Variants in TULP4 observed in about 807,000 individuals in gnomAD.
TULP4 encodes the protein tubby-related protein 4.
A neutral mutation model predicts 129.0 loss-of-function variants in TULP4; 16 were observed. The ratio of observed to expected loss-of-function variants is 0.12; its 90% CI spans 0.08 to 0.19. The LOEUF (loss-of-function observed/expected upper bound fraction) is 0.19, where lower values mean the gene tolerates loss of function less well. Among genes scored for constraint, TULP4 ranks in the 10% least tolerant of loss-of-function variants. TULP4 has a pLI of 1.00. For missense variants in TULP4, 1,842 were observed against 2,059.1 expected (o/e 0.89, Z 2.04); for synonymous variants, 998 against 854.0 (o/e 1.17, Z -2.94).
chr6:158,392,597 T>TA (rs765576684), intron 1 of TULP4, among the ~76,000 whole-genome samples: 1 of 151,966 alleles, frequency 6.6e-6, no homozygotes, highest in Non-Finnish European at 1.5e-5. Context: ...TGTCAGCAGA[T>TA]ATCTGCTCAC....
upstream of TULP4, among the ~76,000 whole-genome samples, chr6:158,309,139 C>T (rs1215335699): frequency 1.2e-4 from 4 of 33,942 alleles, no homozygotes; most frequent in African/African-American, 2.8e-4. Context: ...TCAGATGGGG[C>T]GGCTGCCGGG....
chr6:158,371,836 A>G (rs1194758574), intron 1 of TULP4, among the ~76,000 whole-genome samples: 2 of 152,190 alleles, frequency 1.3e-5, no homozygotes, highest in Non-Finnish European at 1.5e-5. Context: ...TATGTTTGAG[A>G]CAAGGTCTCT....
chr6:158,357,302 T>G (rs1263098504), intron 1 of TULP4, among the ~76,000 whole-genome samples: 1 of 152,212 alleles, frequency 6.6e-6, no homozygotes. Context: ...TTGCCACTGG[T>G]GTTACCAGCA....
At chr6:158,411,715 C>G (rs1379846295) in intron 1 of TULP4, among the ~76,000 whole-genome samples, 1 of 152,162 alleles carries the variant, frequency 6.6e-6, no homozygotes, top group Non-Finnish European at 1.5e-5. Flanking sequence ...GGGGTTCCTC[C>G]TAGCCCTCTG....
chr6:158,348,366 G>A (rs903372641), intron 1 of TULP4, among the ~76,000 whole-genome samples: 1 of 151,892 alleles, frequency 6.6e-6, no homozygotes, highest in Non-Finnish European at 1.5e-5. Flanking sequence ...AGATTAGGGA[G>A]TGGTGATGAC....
At chr6:158,453,485 C>CAAAAAAAAAAAAAAAAAAAAAAAAAAAAA (rs869146924) in intron 5 of TULP4, among the ~76,000 whole-genome samples, 1 of 17,982 alleles carries the variant, frequency 5.6e-5, no homozygotes, top group African/African-American at 2.1e-4. Context: ...CTCTGTCTCA[C>CAAAAAAAAAAAAAAAAAAAAAAAAAAAAA]AAAAAAAAAA....
intron 3 of TULP4, among the ~76,000 whole-genome samples, chr6:158,447,623 A>C (rs1193707115): frequency 6.6e-6 from 1 of 152,186 alleles, no homozygotes; most frequent in East Asian, 1.9e-4. Context: ...CCTGCATTGT[A>C]CACAAAGCTC....
chr6:158,433,596 AG>A, intron 3 of TULP4, among the ~76,000 whole-genome samples: 1 of 152,314 alleles, frequency 6.6e-6, no homozygotes, highest in Middle Eastern at 3.4e-3. Flanking sequence ...CTGTAGTCCC[AG>A]CTACTCCGGA....
intron 1 of TULP4, among the ~76,000 whole-genome samples, chr6:158,322,660 G>T (rs570052464): frequency 1.3e-5 from 2 of 152,180 alleles, no homozygotes; most frequent in South Asian, 4.2e-4. Context: ...GTTGATTTTT[G>T]TTCCTCAGTT....
intron 1 of TULP4, among the ~76,000 whole-genome samples, chr6:158,261,377 CT>C (rs1778349133): frequency 6.6e-6 from 1 of 152,156 alleles, no homozygotes; most frequent in Admixed American, 6.5e-5. Flanking sequence ...AGCATAAGCG[CT>C]ACAAGTACAC....
At chr6:158,396,825 T>C (rs575979958) in intron 1 of TULP4, among the ~76,000 whole-genome samples, 14 of 152,230 alleles carry the variant, frequency 9.2e-5, no homozygotes, top group African/African-American at 3.1e-4. Context: ...CCTAAAGAAA[T>C]GTATGTACTT....
chr6:158,293,786 A>G (rs543072210), intron 1 of TULP4, among the ~76,000 whole-genome samples: 50 of 152,380 alleles, frequency 3.3e-4, no homozygotes, highest in African/African-American at 1.1e-3. Context: ...AATTAGAGGT[A>G]GAAAATGATA....
chr6:158,351,438 A>C (rs1351048802), intron 1 of TULP4, among the ~76,000 whole-genome samples: 2 of 152,182 alleles, frequency 1.3e-5, no homozygotes, highest in African/African-American at 4.8e-5. Flanking sequence ...GTTTTTGCAA[A>C]TTAATCAAAA....
At chr6:158,480,981 CG>C (rs1779928726) in intron 7 of TULP4, 73 bp from the exon 8 acceptor site, 1 of 1,383,246 alleles carries the variant, frequency 7.2e-7, no homozygotes, top group African/African-American at 1.4e-5. Context: ...GACCTGCCCC[CG>C]TGCCCACTCT....
intron 3 of TULP4, among the ~76,000 whole-genome samples, chr6:158,447,234 G>T (rs570692344): frequency 7.2e-5 from 11 of 152,150 alleles, no homozygotes; most frequent in Non-Finnish European, 1.5e-4. Flanking sequence ...CCGGTGTCTT[G>T]ACCCTACGCC....
At chr6:158,363,609 G>C (rs1411436938) in intron 1 of TULP4, among the ~76,000 whole-genome samples, 1 of 152,068 alleles carries the variant, frequency 6.6e-6, no homozygotes, top group Non-Finnish European at 1.5e-5. Context: ...TTAGCCTCCT[G>C]AGTAGCTGGG....
chr6:158,302,245 G>A (rs576232723), intron 1 of TULP4, among the ~76,000 whole-genome samples: 2 of 152,298 alleles, frequency 1.3e-5, no homozygotes, highest in East Asian at 1.9e-4. Flanking sequence ...CATTGATAAC[G>A]AGCTGCAGGC....
chr6:158,495,329 A>G (rs115329597), intron 11 of TULP4, among the ~76,000 whole-genome samples: 1,956 of 152,326 alleles, frequency 0.013, 45 homozygotes, highest in African/African-American at 0.044. Flanking sequence ...CTGGGATGAC[A>G]GGCATGAGCC....
At chr6:158,250,097 A>C (rs1221445681) in intron 1 of TULP4, among the ~76,000 whole-genome samples, 3 of 151,926 alleles carry the variant, frequency 2.0e-5, no homozygotes, top group Non-Finnish European at 1.5e-5. Flanking sequence ...TGGCCTCCCA[A>C]AGTGCTGGGA....
Sources: gnomAD v4.1 joint callset for allele counts (sites outside exome capture counted in the v4.1 genomes callset) on GRCh38, gnomAD v4.1.1 for gene constraint, MANE v1.5 for transcripts, NCBI Gene and HGNC (gene_info 2026-07-23, HGNC 2026-07-21) for gene names.